The following GPRASP3 variants were observed in gnomAD, a reference collection of about 807,000 sequenced individuals.
The protein encoded by GPRASP3 is G protein-coupled receptor associated sorting protein family member 3.
chrX:102,749,848 T>A, the GPRASP3 span: 66 of 1,206,243 alleles, frequency 5.5e-5, no homozygotes, highest in Non-Finnish European at 7.3e-5. Context: ...TCGTTTTGAT[T>A]CTGACCCCTG....
the GPRASP3 span, chrX:102,749,440 G>A: frequency 8.3e-7 from 1 of 1,212,030 alleles, no homozygotes; most frequent in Non-Finnish European, 1.1e-6. Context: ...GGTCTGTGCT[G>A]AGGAGTTGGA....
chrX:102,740,024 A>T, the GPRASP3 span, among the ~76,000 whole-genome samples: 1 of 112,454 alleles, frequency 8.9e-6, no homozygotes, highest in Non-Finnish European at 1.9e-5. Context: ...ACACACACAC[A>T]GAAAACAGAA....
the GPRASP3 span, among the ~76,000 whole-genome samples, chrX:102,732,647 A>T: frequency 2.7e-5 from 3 of 112,314 alleles, no homozygotes; most frequent in Non-Finnish European, 5.6e-5. Flanking sequence ...TGATTTTTTT[A>T]AAAATTATGA....
the GPRASP3 span, among the ~76,000 whole-genome samples, chrX:102,731,914 T>C: frequency 8.9e-6 from 1 of 112,177 alleles, no homozygotes; most frequent in Admixed American, 9.4e-5. Flanking sequence ...GGTCATACTC[T>C]GTCATCCTGT....
the GPRASP3 span, chrX:102,748,894 A>C: frequency 2.3e-6 from 2 of 883,466 alleles, no homozygotes; most frequent in Non-Finnish European, 3.1e-6. Context: ...TCTTGCTACC[A>C]AGTTTTTCCC....
chrX:102,740,275 GGAGA>G, the GPRASP3 span, among the ~76,000 whole-genome samples: 2 of 111,055 alleles, frequency 1.8e-5, no homozygotes, highest in African/African-American at 6.6e-5. Flanking sequence ...AGTCACTTAT[GGAGA>G]GAGAGAGAGA....
At chrX:102,742,505 T>C in the GPRASP3 span, among the ~76,000 whole-genome samples, 1 of 112,243 alleles carries the variant, frequency 8.9e-6, no homozygotes, top group South Asian at 3.7e-4. Context: ...GGTCAGTACT[T>C]GAGATACTTT....
At chrX:102,744,297 C>G in the GPRASP3 span, among the ~76,000 whole-genome samples, 1 of 111,790 alleles carries the variant, frequency 8.9e-6, no homozygotes, top group African/African-American at 3.3e-5. Context: ...TTTTAATATT[C>G]TTGCATATAT....
chrX:102,749,359 T>A, the GPRASP3 span: 12 of 1,211,967 alleles, frequency 9.9e-6, no homozygotes, highest in Non-Finnish European at 1.3e-5. Context: ...TATCAATTCC[T>A]GGTTCTGGAA....
the GPRASP3 span, chrX:102,749,041 A>G: frequency 1.7e-6 from 2 of 1,209,292 alleles, no homozygotes; most frequent in South Asian, 1.8e-5. Flanking sequence ...CAAAACTGAA[A>G]AAAAGGCTGC....
chrX:102,736,740 A>G, the GPRASP3 span, among the ~76,000 whole-genome samples: 1 of 112,013 alleles, frequency 8.9e-6, no homozygotes, highest in Non-Finnish European at 1.9e-5. Context: ...GGTGGCCAAG[A>G]GCATGCTTCT....
chrX:102,749,038 GA>G, the GPRASP3 span: 1 of 1,210,354 alleles, frequency 8.3e-7, no homozygotes, highest in Non-Finnish European at 1.1e-6. Context: ...GGCCAAAACT[GA>G]AAAAAAGGCT....
At chrX:102,722,384 T>C in the GPRASP3 span, among the ~76,000 whole-genome samples, 1 of 112,531 alleles carries the variant, frequency 8.9e-6, no homozygotes, top group Non-Finnish European at 1.9e-5. Flanking sequence ...CTGCCATCCA[T>C]GTGGATTTGG....
At chrX:102,728,595 T>TTA in the GPRASP3 span, among the ~76,000 whole-genome samples, 1 of 100,538 alleles carries the variant, frequency 9.9e-6, no homozygotes, top group South Asian at 4.8e-4. Flanking sequence ...TTTTTTTTTT[T>TTA]AAATAGAGAG....
At chrX:102,750,421 A>G in the GPRASP3 span, 17 of 1,200,407 alleles carry the variant, frequency 1.4e-5, no homozygotes, top group African/African-American at 1.4e-4. Context: ...TGAAAATCCA[A>G]CTGCAGCCAG....
chrX:102,722,241 T>C, the GPRASP3 span, among the ~76,000 whole-genome samples: 5 of 111,416 alleles, frequency 4.5e-5, no homozygotes, highest in Admixed American at 3.8e-4. Flanking sequence ...TCAGGTTCAA[T>C]AATTTGCTAT....
the GPRASP3 span, among the ~76,000 whole-genome samples, chrX:102,728,462 G>A: frequency 1.8e-5 from 2 of 110,865 alleles, no homozygotes; most frequent in Non-Finnish European, 3.8e-5. Context: ...CCTGTACCTG[G>A]GAGTGAAAAG....
At chrX:102,724,718 G>GGTGCGTGT in the GPRASP3 span, among the ~76,000 whole-genome samples, 1 of 98,816 alleles carries the variant, frequency 1.0e-5, no homozygotes, top group African/African-American at 3.7e-5. Context: ...CAGGGTGACT[G>GGTGCGTGT]GTGTGTGTGT....
chrX:102,742,445 G>C, the GPRASP3 span, among the ~76,000 whole-genome samples: 3 of 112,279 alleles, frequency 2.7e-5, no homozygotes, highest in African/African-American at 9.7e-5. Flanking sequence ...GCAAGAGTCT[G>C]AACCTCCCCA....
Sources: allele counts gnomAD v4.1 joint callset (sites outside exome capture counted in the v4.1 genomes callset), GRCh38; gene constraint gnomAD v4.1.1; transcripts MANE v1.5; gene names NCBI Gene and HGNC (gene_info 2026-07-23, HGNC 2026-07-21).